SLC7A14: variants seen among roughly 807,000 people sequenced by gnomAD.
SLC7A14 encodes the protein solute carrier family 7 member 14, also known as gamma-aminobutyric acid transporter SLC7A14.
In SLC7A14, 37 loss-of-function variants were observed where a neutral mutation model predicts 60.2. The ratio of observed to expected loss-of-function variants is 0.61; its 90% CI spans 0.47 to 0.81. The LOEUF is 0.81. SLC7A14 is among the 30% of genes least tolerant of loss of function. The pLI is 0.00. For missense variants in SLC7A14, 886 were observed against 982.7 expected, an observed-to-expected ratio of 0.90 and a Z score of 1.32; for synonymous variants, 399 against 395.8, an observed-to-expected ratio of 1.01 and a Z score of -0.10.
At chr3:170,568,617 C>T (rs940541379) in intron 1 of SLC7A14, among the ~76,000 whole-genome samples, 2,812 of 152,212 alleles carry the variant, frequency 0.018, 90 homozygotes, top group African/African-American at 0.064. Flanking sequence ...GCCATTTTCA[C>T]GATATTAATT....
At chr3:170,529,933 G>A (rs530162539) in intron 1 of SLC7A14, among the ~76,000 whole-genome samples, 1 of 152,256 alleles carries the variant, frequency 6.6e-6, no homozygotes, top group African/African-American at 2.4e-5. Flanking sequence ...AAGAGGCAGG[G>A]AACGGATTCT....
intron 1 of SLC7A14, among the ~76,000 whole-genome samples, chr3:170,571,461 T>C (rs1714953482): frequency 6.6e-6 from 1 of 152,210 alleles, no homozygotes; most frequent in Non-Finnish European, 1.5e-5. Context: ...TTTGTTTCCT[T>C]GACAGTTACG....
intron 2 of SLC7A14, among the ~76,000 whole-genome samples, chr3:170,505,425 CT>C (rs1712747075): frequency 6.6e-6 from 1 of 152,130 alleles, no homozygotes; most frequent in Non-Finnish European, 1.5e-5. Context: ...AATTACTTTC[CT>C]TTGATTTATC....
intron 7 of SLC7A14, among the ~76,000 whole-genome samples, chr3:170,469,180 G>A (rs1739809209): frequency 6.6e-6 from 1 of 152,138 alleles, no homozygotes; most frequent in Non-Finnish European, 1.5e-5. Context: ...AACCCTGCAG[G>A]CTTCTGCTGG....
chr3:170,569,629 C>T (rs1344856840), intron 1 of SLC7A14, among the ~76,000 whole-genome samples: 1 of 152,134 alleles, frequency 6.6e-6, no homozygotes, highest in Non-Finnish European at 1.5e-5. Context: ...GGCTGTGAAT[C>T]CATCTGGTCC....
At chr3:170,578,779 C>T (rs1255777409) in intron 1 of SLC7A14, among the ~76,000 whole-genome samples, 1 of 152,148 alleles carries the variant, frequency 6.6e-6, no homozygotes, top group East Asian at 1.9e-4. Flanking sequence ...TATTCAAGCT[C>T]TTGGCCCTAT....
Position 170,483,649 on chromosome 3 carries a change from C to T in SLC7A14, c.907-127G>A. On this transcript the variant is annotated intron_variant, in intron 5 of 7. Coordinates refer to ENST00000231706, the MANE Select transcript of SLC7A14 (RefSeq NM_020949.3). ...TTGCATGGCAGTTTGGATCCATTCA[C>T]TTGCTGGCATGTGCCTTTACTGTAG... is the stretch of plus-strand genomic sequence containing the variant. The T allele has an allele frequency of 3.1e-6, 3 of 962,744 alleles. No homozygotes were observed. The South Asian group carries it at 4.6e-5, about 15-fold the overall frequency. 59.6% of individuals were successfully genotyped at this position (962,744 alleles called of 1,614,324 possible). A position where few individuals can be genotyped will look rare whatever the true frequency, so the allele number is the denominator to read the frequency against.
rs1712405037 is a variant in SLC7A14, at chr3:170,496,611, C to T, written c.759+2056G>A. Reference sequence around the variant, plus strand: ...CATGGAGATCGCCACCTACAGGAAGCTGCTGGAGGGCGAGGAGAGCCCGGC... The same window carrying T: ...CATGGAGATCGCCACCTACAGGAAGTTGCTGGAGGGCGAGGAGAGCCCGGC... On this transcript the variant is annotated intron_variant, in intron 4 of 7. Coordinates refer to ENST00000231706, the MANE Select transcript of SLC7A14 (RefSeq NM_020949.3). 4 of 1,580,198 alleles carry T rather than the reference C, an allele frequency of 2.5e-6. No individual in the cohort carries two copies. The East Asian group carries it at 6.7e-5, about 27-fold the overall frequency.
chr3:170,556,614 G>A (rs866975), intron 1 of SLC7A14, among the ~76,000 whole-genome samples: 17,565 of 152,144 alleles, frequency 0.12, 1,252 homozygotes, highest in East Asian at 0.2. Context: ...CAACAAAAAA[G>A]TTGGATGTGC....
At chr3:170,556,842 G>GT (rs1381452865) in intron 1 of SLC7A14, among the ~76,000 whole-genome samples, 2 of 152,126 alleles carry the variant, frequency 1.3e-5, no homozygotes, top group East Asian at 1.9e-4. Context: ...CACTTCATTG[G>GT]TTTTTTCATG....
intron 1 of SLC7A14, among the ~76,000 whole-genome samples, chr3:170,541,942 G>A (rs1201884306): frequency 6.6e-6 from 1 of 152,184 alleles, no homozygotes; most frequent in African/African-American, 2.4e-5. Context: ...TCCTGTTCCT[G>A]ATCATGCAGA....
Position 170,467,168 on chromosome 3 carries a change from A to G in SLC7A14, c.2203T>C (p.Ser735Pro). 3.7e-6 allele frequency: 6 copies of G among 1,614,160 alleles called. No individual in the cohort carries two copies. In the South Asian group the frequency reaches 4.4e-5, roughly 12 times the overall value. The change falls in exon 8 of 8, where the codon TCA becomes CCA. Residue 735 changes from serine (S) to proline (P), a missense_variant. By Grantham distance (74) the Ser-to-Pro change is moderately conservative. Transcript: ENST00000231706. Reference protein sequence around the residue: ...EDKGFYYQQMSDAKANGRTSS... With the variant: ...EDKGFYYQQMPDAKANGRTSS... ...GTCCGGCCGTTTGCCTTCGCATCTGACATCTGTTGGTAATAGAAGCCTTTG... is the reference window on the plus strand; with the variant it reads ...GTCCGGCCGTTTGCCTTCGCATCTGGCATCTGTTGGTAATAGAAGCCTTTG...
At chr3:170,499,450 C>T (rs1423945762) in intron 3 of SLC7A14, among the ~76,000 whole-genome samples, 1 of 151,900 alleles carries the variant, frequency 6.6e-6, no homozygotes, top group Non-Finnish European at 1.5e-5. Flanking sequence ...ATTACAACAG[C>T]GCCTATGAAA....
chr3:170,511,527 T>C (rs1577526194), intron 2 of SLC7A14, among the ~76,000 whole-genome samples: 1 of 152,194 alleles, frequency 6.6e-6, no homozygotes, highest in Admixed American at 6.5e-5. Flanking sequence ...CAGGTTGTTA[T>C]GAGTCATCGA....
rs1480127321 is a variant in SLC7A14, at chr3:170,532,459, T to G, written c.-152-5371A>C. 6.6e-6 allele frequency among the ~76,000 whole-genome samples: 1 copy of G among 152,248 alleles called. No individual in the cohort carries two copies. Among genetic ancestry groups the G allele is most frequent in the Non-Finnish European group, 1.5e-5 (1 of 68,040 alleles). ...AGGTGCCCTGCATGCAAATTCTGCC[T>G]CTGCCTTTACTAACTAAGTGACCTT... On this transcript the variant is annotated intron_variant, in intron 1 of 7. Coordinates refer to ENST00000231706, the MANE Select transcript of SLC7A14 (RefSeq NM_020949.3). This position sits in a 1 kb window ranked among gnomAD's most constrained non-coding sequence, Gnocchi z 4.0.
At position 170,560,044 on chromosome 3, in the gene SLC7A14, T is replaced by C. The variant is rs533855006; in HGVS notation, c.-153+25867A>G. 2.0e-5 allele frequency among the ~76,000 whole-genome samples: 3 copies of C among 152,356 alleles called. No homozygotes were observed. The South Asian group carries it at 6.2e-4, about 32-fold the overall frequency. On this transcript the variant is annotated intron_variant, in intron 1 of 7. Coordinates refer to ENST00000231706, the MANE Select transcript of SLC7A14 (RefSeq NM_020949.3). ...TATAAGAAATGAGTGACTTCAAGAA[T>C]AATCCCAATCAAATTCCCTTTTGAA... is the stretch of plus-strand genomic sequence containing the variant.
chr3:170,483,379 C>A lies in SLC7A14; in HGVS notation c.1050G>T (p.Leu350Phe), dbSNP rs770135616. Residue 350 changes from leucine (L) to phenylalanine (F), a missense_variant, in exon 6 of 8, where the codon TTG becomes TTT. Physicochemically the swap from Leu to Phe is conservative, Grantham distance 22. Transcript: ENST00000231706. The part of the protein sequence containing the change: ...IGSVAGLTVS[L>F]LGSLFPMPRV... ...TCGGCATCGGGAAGAGGGACCCCAG[C>A]AAGCTGACTGTCAGTCCTGCAACCG... 2 of 1,614,198 alleles carry A rather than the reference C, an allele frequency of 1.2e-6. No homozygotes were observed. Among genetic ancestry groups the A allele is most frequent in the South Asian group, 1.1e-5 (1 of 91,080 alleles).
chr3:170,581,528 A>C (rs1715234866), intron 1 of SLC7A14, among the ~76,000 whole-genome samples: 1 of 152,210 alleles, frequency 6.6e-6, no homozygotes, highest in Admixed American at 6.5e-5. Context: ...GAATCTAACC[A>C]ATCAGAAATT....
At chr3:170,499,958 T>C (rs899474586) in intron 3 of SLC7A14, among the ~76,000 whole-genome samples, 1 of 152,204 alleles carries the variant, frequency 6.6e-6, no homozygotes, top group South Asian at 2.1e-4. Flanking sequence ...AGAACAGGTT[T>C]GTTCTTTATA....
Sources: allele counts gnomAD v4.1 joint callset (sites outside exome capture counted in the v4.1 genomes callset), GRCh38; gene constraint gnomAD v4.1.1; non-coding constraint Gnocchi (gnomAD v3.1); transcripts MANE v1.5; gene names NCBI Gene and HGNC (gene_info 2026-07-23, HGNC 2026-07-21).